The following PITPNM2 variants were observed in gnomAD, a reference collection of about 807,000 sequenced individuals.
PITPNM2 encodes the protein phosphatidylinositol transfer protein membrane associated 2.
A neutral mutation model predicts 132.2 loss-of-function variants in PITPNM2; 35 were observed. The observed-to-expected ratio is 0.26, with a 90% CI of 0.20 to 0.35. The LOEUF is 0.35. Among genes scored for constraint, PITPNM2 ranks in the 10% least tolerant of loss-of-function variants. PITPNM2 has a pLI of 1.00. For missense variants in PITPNM2, 1,332 were observed against 1,912.0 expected (o/e 0.70, Z 5.66); for synonymous variants, 738 against 799.2 (o/e 0.92, Z 1.29).
At chr12:123,032,028 A>G (rs1031901100) in intron 3 of PITPNM2, among the ~76,000 whole-genome samples, 1 of 152,176 alleles carries the variant, frequency 6.6e-6, no homozygotes, top group Middle Eastern at 3.2e-3. Flanking sequence ...ATCCTGCCAC[A>G]ATCCTAATCA....
intron 3 of PITPNM2, among the ~76,000 whole-genome samples, chr12:123,026,066 T>G (rs910003660): frequency 6.6e-6 from 1 of 152,204 alleles, no homozygotes; most frequent in African/African-American, 2.4e-5. Flanking sequence ...CAGCATAAGA[T>G]AGGTGCTCCG....
Position 122,986,299 on chromosome 12 carries a change from G to A in PITPNM2, c.3778C>T (p.Arg1260Trp), listed in dbSNP as rs751854596. The A allele has an allele frequency of 1.5e-5, 24 of 1,582,332 alleles. 1 individual carries two copies. The highest frequency in any genetic ancestry group is 1.8e-5 in the Admixed American group (1 of 55,628). Residue 1260 changes from arginine (R) to tryptophan (W), a missense_variant, in exon 26 of 26, where the codon CGG becomes TGG. Arg to Trp is a moderately radical substitution (Grantham distance 101). This residue lies in a region of PITPNM2 where 163 missense variants were observed against 177.2 expected (regional missense o/e 0.92). Coordinates refer to ENST00000320201, the MANE Select transcript of PITPNM2 (RefSeq NM_020845.3). Reference protein sequence around the residue: ...AHLAQLKYSHRARPARNTATR... With the variant: ...AHLAQLKYSHWARPARNTATR... ...GCCGTGTTGCGAGCGGGCCGCGCCC[G>A]GTGGCTGTACTTCAGCTGCGCCAGG...
At chr12:123,035,125 C>T (rs1009856773) in intron 2 of PITPNM2, among the ~76,000 whole-genome samples, 5 of 152,328 alleles carry the variant, frequency 3.3e-5, no homozygotes, top group African/African-American at 1.2e-4. Context: ...CACAAGTCAG[C>T]AGTCTGAGCC....
intron 3 of PITPNM2, among the ~76,000 whole-genome samples, chr12:123,019,772 G>C (rs146808190): frequency 3.7e-4 from 56 of 152,352 alleles, no homozygotes; most frequent in Non-Finnish European, 6.5e-4. Flanking sequence ...AATCATCCCT[G>C]CTCCAGACTT....
At position 123,097,271 on chromosome 12, in the gene PITPNM2, G is replaced by C. The variant is rs536022544; in HGVS notation, c.-96+13114C>G. On this transcript the variant is annotated intron_variant, in intron 2 of 25. Transcript: ENST00000320201. This position sits in a 1 kb window ranked among gnomAD's most constrained non-coding sequence, Gnocchi z 4.7. ...TTGGCCAGGCTGGTCTCGAACTCCTGACCTCAGGTGATCCACCTGCCTTGG... is the reference window on the plus strand; with the variant it reads ...TTGGCCAGGCTGGTCTCGAACTCCTCACCTCAGGTGATCCACCTGCCTTGG... Among the ~76,000 whole-genome samples the C allele has an allele frequency of 6.6e-6, 1 of 152,164 alleles. No individual in the cohort carries two copies. Among genetic ancestry groups the C allele is most frequent in the East Asian group, 1.9e-4 (1 of 5,168 alleles).
intron 23 of PITPNM2, 74 bp downstream of exon 23, chr12:122,987,207 T>C: frequency 1.3e-6 from 2 of 1,586,024 alleles, no homozygotes; most frequent in Non-Finnish European, 1.7e-6. Context: ...GCTGTCCTCC[T>C]CCACCTGGCT....
chr12:123,005,932 T>TA lies in PITPNM2; in HGVS notation c.644-385dup, dbSNP rs2038910338. On this transcript the variant is annotated intron_variant, in intron 6 of 25. Transcript: ENST00000320201. This position sits in a 1 kb window ranked among gnomAD's most constrained non-coding sequence, Gnocchi z 6.2. ...GGGCAACGAAACAAGACCCTGTCTC[T>TA]ATAAAAAAAAAAAAAATTAAAAAAA... is the stretch of plus-strand genomic sequence containing the variant. 6.1e-6 allele frequency: 1 copy of TA among 164,700 alleles called. No homozygotes were observed. Among genetic ancestry groups the TA allele is most frequent in the Non-Finnish European group, 1.2e-5 (1 of 81,260 alleles). 10.2% of individuals were successfully genotyped at this position (164,700 alleles called of 1,614,324 possible).
intron 3 of PITPNM2, among the ~76,000 whole-genome samples, chr12:123,033,163 G>T (rs1386447745): frequency 6.6e-6 from 1 of 152,222 alleles, no homozygotes; most frequent in Non-Finnish European, 1.5e-5. Flanking sequence ...GCTGGAGGAG[G>T]GCAAGCCCCA....
At chr12:123,147,937 C>T (rs182615143) in intron 1 of PITPNM2, among the ~76,000 whole-genome samples, 9 of 152,302 alleles carry the variant, frequency 5.9e-5, no homozygotes, top group African/African-American at 2.2e-4. Context: ...CCCCACTTTC[C>T]TTTTCATTAT....
intron 1 of PITPNM2, among the ~76,000 whole-genome samples, chr12:123,128,821 A>G (rs985071055): frequency 6.6e-6 from 1 of 151,642 alleles, no homozygotes; most frequent in Admixed American, 6.6e-5. Context: ...ATATTTGCCT[A>G]TCCCTCAGTC....
chr12:122,988,976 C>A, intron 18 of PITPNM2, 104 bp from the exon 19 acceptor site: 1 of 1,278,384 alleles, frequency 7.8e-7, no homozygotes, highest in Non-Finnish European at 1.0e-6. Flanking sequence ...ACAGTCCCCC[C>A]ACCAGCTATA....
rs2038593700 is a variant in PITPNM2, at chr12:123,000,104, G to T, written c.1224+674C>A. On this transcript the variant is annotated intron_variant, in intron 10 of 25. Transcript: ENST00000320201. The surrounding 1 kb of genome is among the most constrained non-coding windows in gnomAD (Gnocchi z 5.4). Reference sequence around the variant, plus strand: ...CTCCTCCCCGCCTAGATTCCCCGGGGGCCCGAGTTCCCCACAGAAGTGGTG... The same window carrying T: ...CTCCTCCCCGCCTAGATTCCCCGGGTGCCCGAGTTCCCCACAGAAGTGGTG... Among the ~76,000 whole-genome samples the T allele has an allele frequency of 6.6e-6, 1 of 152,192 alleles. No individual in the cohort carries two copies. Among genetic ancestry groups the T allele is most frequent in the Admixed American group, 6.5e-5 (1 of 15,282 alleles).
chr12:123,144,379 T>C (rs1361841443), intron 1 of PITPNM2, among the ~76,000 whole-genome samples: 1 of 152,194 alleles, frequency 6.6e-6, no homozygotes, highest in Admixed American at 6.5e-5. Context: ...GTCACAGTGT[T>C]GATGGCCAGG....
chr12:123,046,331 T>A (rs1484999610), intron 2 of PITPNM2, among the ~76,000 whole-genome samples: 1 of 152,232 alleles, frequency 6.6e-6, no homozygotes, highest in Admixed American at 6.5e-5. Context: ...ACTTGGTTTA[T>A]AAATCTGGCC....
rs1441704305 is a variant in PITPNM2 at position 123,095,088 on chromosome 12, G to A, written c.-96+15297C>T. ...ACTGGGGCTCACAGCACGGCAGTGCGTCCACATTAGGGTGGCTGCTGGGGA... is the reference window on the plus strand; with the variant it reads ...ACTGGGGCTCACAGCACGGCAGTGCATCCACATTAGGGTGGCTGCTGGGGA... On this transcript the variant is annotated intron_variant, in intron 2 of 25. Transcript: ENST00000320201. The surrounding 1 kb of genome is among the most constrained non-coding windows in gnomAD (Gnocchi z 5.0). 1.3e-5 allele frequency among the ~76,000 whole-genome samples: 2 copies of A among 152,176 alleles called. No homozygotes were observed. The highest frequency in any genetic ancestry group is 1.9e-4 in the East Asian group (1 of 5,198).
chr12:123,096,286 C>T (rs533927238), intron 2 of PITPNM2, among the ~76,000 whole-genome samples: 1 of 152,334 alleles, frequency 6.6e-6, no homozygotes, highest in Non-Finnish European at 1.5e-5. Flanking sequence ...TGCTTGCATG[C>T]CCCAGCTCTT....
intron 2 of PITPNM2, among the ~76,000 whole-genome samples, chr12:123,068,195 C>CGGCCGGGCGT (rs1555294142): frequency 3.5e-3 from 13 of 3,710 alleles, no homozygotes; most frequent in African/African-American, 6.0e-3. Flanking sequence ...CGGCCGGGCA[C>CGGCCGGGCGT]GGTGGCTCAC....
intron 3 of PITPNM2, among the ~76,000 whole-genome samples, chr12:123,030,464 C>T (rs997581215): frequency 3.3e-5 from 5 of 152,076 alleles, no homozygotes; most frequent in Non-Finnish European, 5.9e-5. Flanking sequence ...GAAGCTGAGG[C>T]GGGCGGATCA....
intron 1 of PITPNM2, among the ~76,000 whole-genome samples, chr12:123,129,758 G>A (rs778182235): frequency 6.6e-6 from 1 of 152,044 alleles, no homozygotes; most frequent in Non-Finnish European, 1.5e-5. Flanking sequence ...TGTACTGGGG[G>A]AACACAGAGA....
Sources: gnomAD v4.1 joint callset for allele counts (sites outside exome capture counted in the v4.1 genomes callset) on GRCh38, gnomAD v4.1.1 for gene constraint, gnomAD v4.1.1 regional missense constraint, Gnocchi (gnomAD v3.1) non-coding constraint, MANE v1.5 for transcripts, NCBI Gene and HGNC (gene_info 2026-07-23, HGNC 2026-07-21) for gene names.